SLC9A9: variants seen among roughly 807,000 people sequenced by gnomAD.
SLC9A9 encodes solute carrier family 9 member A9.
Under a neutral mutation model 77.8 loss-of-function variants are expected in SLC9A9, and 62 were observed. The observed-to-expected ratio is 0.80, with a 90% CI of 0.65 to 0.98. SLC9A9 has a LOEUF of 0.98. Ranked by LOEUF, SLC9A9 falls within the 50% of genes least tolerant of loss-of-function variation. The pLI is 0.00. For synonymous variants in SLC9A9, 320 were observed against 283.5 expected, an observed-to-expected ratio of 1.13 and a Z score of -1.29; for missense variants, 775 against 774.9, an observed-to-expected ratio of 1.00 and a Z score of 0.00.
At chr3:143,566,787 T>A (rs2037176656) in intron 8 of SLC9A9, among the ~76,000 whole-genome samples, 1 of 152,120 alleles carries the variant, frequency 6.6e-6, no homozygotes, top group South Asian at 2.1e-4. Context: ...AATGTTGCCA[T>A]TAGAAATCTT....
intron 12 of SLC9A9, among the ~76,000 whole-genome samples, chr3:143,385,859 C>T (rs968550071): frequency 7.9e-5 from 12 of 152,126 alleles, no homozygotes; most frequent in South Asian, 2.1e-4. Context: ...GTCCTGGGTC[C>T]GGTAACTGGA....
chr3:143,720,037 T>C (rs2108801927), intron 4 of SLC9A9, among the ~76,000 whole-genome samples: 1 of 151,968 alleles, frequency 6.6e-6, no homozygotes, highest in South Asian at 2.1e-4. Context: ...ACCCTAATAG[T>C]TGAAATTTTA....
chr3:143,703,593 A>G (rs1933867692), intron 4 of SLC9A9, among the ~76,000 whole-genome samples: 1 of 152,176 alleles, frequency 6.6e-6, no homozygotes, highest in Non-Finnish European at 1.5e-5. Flanking sequence ...TTTATAGCTA[A>G]AAGTGCCTAT....
At chr3:143,396,149 C>G (rs889718909) in intron 12 of SLC9A9, among the ~76,000 whole-genome samples, 1 of 152,100 alleles carries the variant, frequency 6.6e-6, no homozygotes, top group African/African-American at 2.4e-5. Flanking sequence ...CACATGCACA[C>G]GTATGTTTAT....
chr3:143,833,348 G>A (rs1261358403), intron 1 of SLC9A9, among the ~76,000 whole-genome samples: 1 of 152,120 alleles, frequency 6.6e-6, no homozygotes, highest in Non-Finnish European at 1.5e-5. Flanking sequence ...AGTCTTACAG[G>A]AGCTCGTTTG....
rs981693463 is a variant in SLC9A9, at chr3:143,723,280, C to T, written c.534-29973G>A. On this transcript the variant is annotated intron_variant, in intron 4 of 15. Transcript: ENST00000316549. The stretch of plus-strand genomic sequence containing the variant: ...AAAAAAAATGAAACAAAAACAAAGG[C>T]CCACGTTTCTGAAAAGCAAGGTCAA... Among the ~76,000 whole-genome samples, 3 of 152,102 alleles carry T rather than the reference C, an allele frequency of 2.0e-5. No individual in the cohort carries two copies. The South Asian group carries it at 6.2e-4, about 31-fold the overall frequency.
chr3:143,551,956 G>T (rs1576572157), intron 9 of SLC9A9, among the ~76,000 whole-genome samples: 1 of 152,262 alleles, frequency 6.6e-6, no homozygotes, highest in South Asian at 2.1e-4. Context: ...AGTTGAGTTT[G>T]CTTGGCATCA....
At chr3:143,592,582 GA>G (rs1262416490) in intron 6 of SLC9A9, among the ~76,000 whole-genome samples, 4 of 152,180 alleles carry the variant, frequency 2.6e-5, no homozygotes, top group Non-Finnish European at 5.9e-5. Context: ...AGTATATGTA[GA>G]TAGAAAAGTG....
chr3:143,776,744 G>A (rs1008732850), intron 4 of SLC9A9, among the ~76,000 whole-genome samples: 1 of 152,142 alleles, frequency 6.6e-6, no homozygotes. Context: ...TACTAGAACA[G>A]AATCTTTTCA....
At chr3:143,424,445 T>C (rs1019231036) in intron 12 of SLC9A9, among the ~76,000 whole-genome samples, 5 of 151,820 alleles carry the variant, frequency 3.3e-5, no homozygotes, top group African/African-American at 1.2e-4. Flanking sequence ...ACCCGGCTAA[T>C]TTTTTGTATT....
At chr3:143,370,601 A>ACC (rs1553747883) in intron 13 of SLC9A9, among the ~76,000 whole-genome samples, 1 of 150,652 alleles carries the variant, frequency 6.6e-6, no homozygotes, top group Non-Finnish European at 1.5e-5. Context: ...ACACACACAC[A>ACC]CCCTAACAAA....
intron 4 of SLC9A9, among the ~76,000 whole-genome samples, chr3:143,710,388 G>A (rs1934108998): frequency 6.6e-6 from 1 of 152,144 alleles, no homozygotes; most frequent in African/African-American, 2.4e-5. Flanking sequence ...CTTCCTGGAA[G>A]GTGAATAAAA....
intron 14 of SLC9A9, among the ~76,000 whole-genome samples, chr3:143,327,353 G>A (rs765027274): frequency 8.5e-5 from 13 of 152,152 alleles, no homozygotes; most frequent in Non-Finnish European, 1.6e-4. Flanking sequence ...TAAATATGGG[G>A]AAGAAGAAAA....
At chr3:143,607,695 A>G (rs1407481366) in intron 6 of SLC9A9, among the ~76,000 whole-genome samples, 1 of 152,056 alleles carries the variant, frequency 6.6e-6, no homozygotes, top group Non-Finnish European at 1.5e-5. Context: ...AGGGACATAG[A>G]GAATTCAATA....
At chr3:143,291,260 C>T (rs981941947) in intron 14 of SLC9A9, among the ~76,000 whole-genome samples, 1 of 151,928 alleles carries the variant, frequency 6.6e-6, no homozygotes, top group African/African-American at 2.4e-5. Flanking sequence ...TGTCCACTCC[C>T]AGCTGATTTG....
chr3:143,616,246 C>A (rs936786789), intron 6 of SLC9A9, among the ~76,000 whole-genome samples: 2 of 152,102 alleles, frequency 1.3e-5, no homozygotes, highest in African/African-American at 4.8e-5. Context: ...CTGCACAATT[C>A]TAAGAAGTTT....
At chr3:143,486,821 C>T (rs977709052) in intron 11 of SLC9A9, among the ~76,000 whole-genome samples, 3 of 151,976 alleles carry the variant, frequency 2.0e-5, no homozygotes, top group Admixed American at 1.3e-4. Flanking sequence ...AAACATTTCA[C>T]TGCAAAGAAT....
intron 9 of SLC9A9, among the ~76,000 whole-genome samples, chr3:143,550,545 G>A (rs955688104): frequency 5.9e-5 from 9 of 152,214 alleles, no homozygotes; most frequent in Admixed American, 5.2e-4. Context: ...TCAACACTGG[G>A]GCTTTCTTTT....
chr3:143,302,527 G>T (rs2030565829), intron 14 of SLC9A9, among the ~76,000 whole-genome samples: 1 of 152,172 alleles, frequency 6.6e-6, no homozygotes, highest in African/African-American at 2.4e-5. Flanking sequence ...AATGAGGTTT[G>T]TGTGGAGTGG....
Sources: allele counts gnomAD v4.1 joint callset (sites outside exome capture counted in the v4.1 genomes callset), GRCh38; gene constraint gnomAD v4.1.1; transcripts MANE v1.5; gene names NCBI Gene and HGNC (gene_info 2026-07-23, HGNC 2026-07-21).